The following PRSS48 variants were observed in gnomAD, a reference collection of about 807,000 sequenced individuals.
PRSS48 encodes serine protease 48, also known as epidermis-specific serine protease-like protein.
In PRSS48, 21 loss-of-function variants were observed where a neutral mutation model predicts 25.6. That is an observed-to-expected ratio of 0.82 (90% confidence interval 0.58 to 1.18). The LOEUF (loss-of-function observed/expected upper bound fraction) is 1.18, where lower values mean the gene tolerates loss of function less well. Ranked by LOEUF, PRSS48 falls within the 50% of genes most tolerant of loss-of-function variation. PRSS48 has a pLI of 0.00. For missense variants in PRSS48, 373 were observed against 399.3 expected, an observed-to-expected ratio of 0.93 and a Z score of 0.56; for synonymous variants, 150 against 149.3, an observed-to-expected ratio of 1.00 and a Z score of -0.04.
intron 4 of PRSS48, among the ~76,000 whole-genome samples, chr4:151,290,445 G>A (rs1048884090): frequency 2.6e-5 from 4 of 152,170 alleles, no homozygotes; most frequent in African/African-American, 9.7e-5. Context: ...CAAAAGGTCA[G>A]ATATTACATG....
intron 4 of PRSS48, among the ~76,000 whole-genome samples, chr4:151,283,770 C>T (rs1048610684): frequency 1.1e-4 from 17 of 152,168 alleles, no homozygotes; most frequent in African/African-American, 4.1e-4. Flanking sequence ...GCAATCCTTC[C>T]TCCTTGGGTT....
At position 151,279,866 on chromosome 4, in the gene PRSS48, G is replaced by GCAGGT. The variant is rs77216366; in HGVS notation, c.127_131dup (p.Ser44ArgfsTer21). ...ATGCTGCTGCAGGGCGCTGGCCTTG[G>GCAGGT]CAGGTCAGCCTACACTTTGACCACA... On this transcript the variant is annotated frameshift_variant, in exon 2 of 5. Coordinates refer to ENST00000455694, the Ensembl canonical transcript of PRSS48. LOFTEE classifies it high-confidence loss of function. The GCAGGT allele has an allele frequency of 0.4, 648,754 of 1,612,872 alleles. 138,436 individuals carry two copies. Among genetic ancestry groups the GCAGGT allele is most frequent in the Non-Finnish European group, 0.45 (532,752 of 1,179,280 alleles).
At chr4:151,277,332 G>C in intron 1 of PRSS48, 108 bp downstream of exon 1, 1 of 856,954 alleles carries the variant, frequency 1.2e-6, no homozygotes, top group Non-Finnish European at 1.6e-6. Context: ...GTTATGAGTA[G>C]CACAGCCTGA....
exon 5 of PRSS48, chr4:151,291,305 C>T (rs1468983947): frequency 1.2e-6 from 2 of 1,613,836 alleles, no homozygotes; most frequent in Non-Finnish European, 1.7e-6. Context: ...TTCTTGTTCC[C>T]TATTGTCCTA....
At chr4:151,285,675 T>C (rs937770493) in intron 4 of PRSS48, among the ~76,000 whole-genome samples, 1 of 152,104 alleles carries the variant, frequency 6.6e-6, no homozygotes, top group Admixed American at 6.6e-5. Context: ...AAGACCAGCC[T>C]GGGCAACATA....
intron 4 of PRSS48, among the ~76,000 whole-genome samples, chr4:151,284,730 T>C (rs980969186): frequency 2.0e-5 from 3 of 152,162 alleles, no homozygotes; most frequent in Non-Finnish European, 4.4e-5. Flanking sequence ...ATTGTTATGC[T>C]TCTCTAAAGA....
chr4:151,281,514 C>T (rs1396639280), intron 2 of PRSS48, among the ~76,000 whole-genome samples: 1 of 151,938 alleles, frequency 6.6e-6, no homozygotes, highest in Non-Finnish European at 1.5e-5. Flanking sequence ...ACCTTCCACA[C>T]TAGGAACTCA....
intron 4 of PRSS48, among the ~76,000 whole-genome samples, chr4:151,284,562 G>A (rs1312479017): frequency 6.6e-6 from 1 of 152,158 alleles, no homozygotes; most frequent in Non-Finnish European, 1.5e-5. Flanking sequence ...ATCAATCTGA[G>A]TTATCTCAGG....
chr4:151,278,475 A>G (rs553724180), intron 1 of PRSS48, among the ~76,000 whole-genome samples: 6 of 151,478 alleles, frequency 4.0e-5, no homozygotes, highest in Non-Finnish European at 7.4e-5. Context: ...CCTGACTAGT[A>G]TTTAGGAAGT....
chr4:151,284,333 C>T (rs892553166), intron 4 of PRSS48, among the ~76,000 whole-genome samples: 6 of 152,124 alleles, frequency 3.9e-5, no homozygotes, highest in African/African-American at 1.2e-4. Context: ...CCTCTTTCTG[C>T]TGTCATTTAC....
chr4:151,277,847 C>G (rs1202984338), intron 1 of PRSS48, among the ~76,000 whole-genome samples: 1 of 152,140 alleles, frequency 6.6e-6, no homozygotes, highest in Non-Finnish European at 1.5e-5. Flanking sequence ...TCAAGACCAG[C>G]CTGGGCAACA....
Position 151,279,967 on chromosome 4 carries a change from T to A in PRSS48, c.215+9T>A. 6.9e-7 allele frequency: 1 copy of A among 1,456,786 alleles called. No individual in the cohort carries two copies. Among genetic ancestry groups the A allele is most frequent in the Non-Finnish European group, 9.2e-7 (1 of 1,085,632 alleles). 90.2% of individuals were successfully genotyped at this position (1,456,786 alleles called of 1,614,324 possible). A position where few individuals can be genotyped will look rare whatever the true frequency, so the allele number is the denominator to read the frequency against. On this transcript the variant is annotated intron_variant, in intron 2 of 4. Transcript: ENST00000455694. ...GCACACTGCATACAACCGTGAGTTCTAGCTGGCAGCTAACACACAGACAGG... is the reference window on the plus strand; with the variant it reads ...GCACACTGCATACAACCGTGAGTTCAAGCTGGCAGCTAACACACAGACAGG...
chr4:151,278,832 C>T (rs1561424540), intron 1 of PRSS48, among the ~76,000 whole-genome samples: 5 of 152,138 alleles, frequency 3.3e-5, no homozygotes, highest in Non-Finnish European at 7.4e-5. Context: ...GGTGTTTGGC[C>T]ATGTTGCCCA....
intron 4 of PRSS48, among the ~76,000 whole-genome samples, chr4:151,286,962 A>T (rs1052345694): frequency 1.2e-4 from 17 of 147,774 alleles, no homozygotes; most frequent in African/African-American, 4.3e-4. Flanking sequence ...CCTGGGTGAC[A>T]GAGTGAGATT....
Position 151,291,441 on chromosome 4 carries a change from CA to C in PRSS48, c.976del (p.Arg326GlyfsTer?), listed in dbSNP as rs777313259. ...AAGAGAATGCATGGAGATTTAGTCC[CA>C]GGGGCAGATAACTCACAGGAGAGCC... On this transcript the variant is annotated frameshift_variant, in exon 5 of 5. Transcript: ENST00000455694. LOFTEE classifies it high-confidence loss of function. The C allele has an allele frequency of 2.4e-5, 38 of 1,606,732 alleles. No individual in the cohort carries two copies. The Admixed American group carries it at 2.5e-4, about 11-fold the overall frequency.
chr4:151,281,369 G>GT (rs1229220489), intron 2 of PRSS48, among the ~76,000 whole-genome samples: 1 of 152,146 alleles, frequency 6.6e-6, no homozygotes, highest in African/African-American at 2.4e-5. Context: ...AGTGAACAAT[G>GT]TTTACATAGT....
At chr4:151,281,587 T>C (rs931454266) in intron 2 of PRSS48, among the ~76,000 whole-genome samples, 2 of 152,056 alleles carry the variant, frequency 1.3e-5, no homozygotes, top group African/African-American at 2.4e-5. Context: ...TTGAAAACAC[T>C]TGAAAATTAC....
intron 4 of PRSS48, among the ~76,000 whole-genome samples, chr4:151,285,588 T>C (rs1393925696): frequency 6.6e-6 from 1 of 152,206 alleles, no homozygotes; most frequent in Non-Finnish European, 1.5e-5. Context: ...AATTTATATC[T>C]GTAAATGCCT....
Position 151,277,232 on chromosome 4 carries a change from C to T in PRSS48, c.52+8C>T. 6.7e-7 allele frequency: 1 copy of T among 1,500,880 alleles called. No homozygotes were observed. The allele number at this position is 1,500,880 out of a possible 1,614,324, so 93.0% of individuals were successfully genotyped here. On this transcript the variant is annotated splice_region_variant and intron_variant, in intron 1 of 4. Coordinates refer to ENST00000455694, the Ensembl canonical transcript of PRSS48. ...TTCTGCTGGGGATCTCAGGTGAGCG[C>T]CAGGGTGGGGTTGAGAAGGCAGAGG...
Sources: allele counts gnomAD v4.1 joint callset (sites outside exome capture counted in the v4.1 genomes callset), GRCh38; gene constraint gnomAD v4.1.1; transcripts MANE v1.5; gene names NCBI Gene and HGNC (gene_info 2026-07-23, HGNC 2026-07-21).